Variants in SNX30 observed in about 807,000 individuals in gnomAD.
The protein encoded by SNX30 is sorting nexin family member 30, also known as sorting nexin-30.
SNX30 carries 24 observed loss-of-function variants against 46.4 expected under a neutral mutation model. That is an observed-to-expected ratio of 0.52 (90% CI 0.37 to 0.73). The LOEUF (loss-of-function observed/expected upper bound fraction) is 0.73. Among genes scored for constraint, SNX30 ranks in the 30% least tolerant of loss-of-function variants. The pLI, the probability that SNX30 is intolerant of heterozygous loss-of-function variation, is 0.00. For synonymous variants in SNX30, 189 were observed against 211.5 expected, an observed-to-expected ratio of 0.89 and a Z score of 0.92; for missense variants, 533 against 555.7, an observed-to-expected ratio of 0.96 and a Z score of 0.41.
chr9:112,822,856 C>G (rs62576414), intron 3 of SNX30, among the ~76,000 whole-genome samples: 10,225 of 152,242 alleles, frequency 0.067, 445 homozygotes, highest in Non-Finnish European at 0.099. Flanking sequence ...CATTGCCCAC[C>G]TGTGAGTCCT....
Position 112,872,418 on chromosome 9 carries a change from G to A in SNX30, c.*3575G>A, listed in dbSNP as rs1478423072. ...TTTGACACCATTCATTGGACTGCGGGACAGTCATTCTTTACGTTCTCTCTT... is the reference window on the plus strand; with the variant it reads ...TTTGACACCATTCATTGGACTGCGGAACAGTCATTCTTTACGTTCTCTCTT... On this transcript the variant is annotated 3_prime_UTR_variant, in exon 9 of 9. Coordinates refer to ENST00000374232, the MANE Select transcript of SNX30 (RefSeq NM_001012994.2). 2 of 152,236 alleles carry A rather than the reference G, an allele frequency of 1.3e-5. No homozygotes were observed. Among genetic ancestry groups the A allele is most frequent in the East Asian group, 1.9e-4 (1 of 5,190 alleles). The allele number at this position is 152,236 out of a possible 1,614,324, so 9.4% of individuals were successfully genotyped here. A position where few individuals can be genotyped will look rare whatever the true frequency, so the allele number is the denominator to read the frequency against.
At chr9:112,864,913 A>G (rs1314570030) in intron 8 of SNX30, among the ~76,000 whole-genome samples, 3 of 152,074 alleles carry the variant, frequency 2.0e-5, no homozygotes. Context: ...TAGGATTACA[A>G]AGGAAAGCAA....
intron 1 of SNX30, among the ~76,000 whole-genome samples, chr9:112,776,454 C>T (rs1839749490): frequency 6.6e-6 from 1 of 152,206 alleles, no homozygotes; most frequent in African/African-American, 2.4e-5. Flanking sequence ...AGATGATGAT[C>T]TTGGCCAAGG....
chr9:112,844,573 A>G (rs1019478933), intron 6 of SNX30, among the ~76,000 whole-genome samples: 1 of 152,228 alleles, frequency 6.6e-6, no homozygotes, highest in Non-Finnish European at 1.5e-5. Flanking sequence ...GGAGCCCACA[A>G]AGGAAGGGTT....
intron 1 of SNX30, among the ~76,000 whole-genome samples, chr9:112,792,647 A>G (rs1337125530): frequency 1.3e-5 from 2 of 152,060 alleles, no homozygotes; most frequent in Non-Finnish European, 2.9e-5. Flanking sequence ...GCTGGTCTTG[A>G]GCTCCTGGGC....
intron 1 of SNX30, among the ~76,000 whole-genome samples, chr9:112,792,474 G>A (rs1479638455): frequency 6.6e-5 from 10 of 152,110 alleles, no homozygotes; most frequent in Admixed American, 1.3e-4. Context: ...GCCCAGCCTG[G>A]AGTACAATGG....
intron 7 of SNX30, among the ~76,000 whole-genome samples, chr9:112,863,651 T>G (rs939679240): frequency 8.5e-5 from 13 of 152,342 alleles, no homozygotes; most frequent in African/African-American, 3.1e-4. Context: ...ACTCTCCATT[T>G]AAAAGTATCT....
At chr9:112,796,200 G>A (rs186504052) in intron 1 of SNX30, among the ~76,000 whole-genome samples, 1 of 152,330 alleles carries the variant, frequency 6.6e-6, no homozygotes, top group East Asian at 1.9e-4. Context: ...TTAAGATTGT[G>A]AATTCTTTTT....
At chr9:112,828,954 G>C (rs545343460) in intron 3 of SNX30, among the ~76,000 whole-genome samples, 61 of 152,172 alleles carry the variant, frequency 4.0e-4, no homozygotes, top group African/African-American at 1.4e-3. Flanking sequence ...ACCATCTACT[G>C]TCTGTCTCTG....
Position 112,836,352 on chromosome 9 carries a change from G to A in SNX30, c.757G>A (p.Ala253Thr). The part of the protein sequence containing the change: ...AAIGDYLDTF[A>T]LKLGTIDRIA... ...CATAGGTGACTACTTAGATACATTTGCACTCAAACTGGGAACCATTGATCG... is the reference window on the plus strand; with the variant it reads ...CATAGGTGACTACTTAGATACATTTACACTCAAACTGGGAACCATTGATCG... Residue 253 changes from alanine (A) to threonine (T), a missense_variant, in exon 5 of 9, where the codon GCA (alanine) becomes ACA (threonine). Ala to Thr is a moderately conservative substitution (Grantham distance 58). This residue lies in a region of SNX30 where 261 missense variants were observed against 270.9 expected (regional missense o/e 0.96). Transcript: ENST00000374232. The A allele has an allele frequency of 1.2e-6, 2 of 1,610,150 alleles. No individual in the cohort carries two copies. The highest frequency in any genetic ancestry group is 1.7e-6 in the Non-Finnish European group (2 of 1,176,606).
intron 6 of SNX30, among the ~76,000 whole-genome samples, chr9:112,845,347 CA>C (rs1840923640): frequency 3.3e-5 from 5 of 152,236 alleles, no homozygotes; most frequent in Admixed American, 3.3e-4. Context: ...ACCTGGTTTA[CA>C]CCGCGGAACC....
chr9:112,847,096 G>A (rs4978507), intron 6 of SNX30, among the ~76,000 whole-genome samples: 143,518 of 152,342 alleles, frequency 0.94, 67,708 homozygotes, highest in East Asian at 1. Flanking sequence ...TTAGTATTTC[G>A]TGGATGACAT....
intron 2 of SNX30, among the ~76,000 whole-genome samples, chr9:112,813,027 G>A (rs1342066340): frequency 6.6e-6 from 1 of 152,072 alleles, no homozygotes; most frequent in Non-Finnish European, 1.5e-5. Flanking sequence ...CACGCCTGTA[G>A]TCCCAGCTAC....
At chr9:112,797,353 G>C (rs1416982177) in intron 1 of SNX30, among the ~76,000 whole-genome samples, 1 of 152,142 alleles carries the variant, frequency 6.6e-6, no homozygotes, top group Non-Finnish European at 1.5e-5. Flanking sequence ...AAAATTTTAA[G>C]CATATAGAAA....
In SNX30 at chr9:112,751,088, C is replaced by A. The variant is rs751156158; in HGVS notation, c.87C>A (p.Ser29Arg). 6 of 1,513,690 alleles carry A rather than the reference C, an allele frequency of 4.0e-6. No homozygotes were observed. The highest frequency in any genetic ancestry group is 5.3e-6 in the Non-Finnish European group (6 of 1,138,572). The allele number at this position is 1,513,690 out of a possible 1,614,324, so 93.8% of individuals were successfully genotyped here. A position where few individuals can be genotyped will look rare whatever the true frequency, so the allele number is the denominator to read the frequency against. ...CGCACCCGCTGGCCGGCTCCAGCAG[C>A]GAGGAGGCCGTGGGTGGTGACAGCA... is the stretch of plus-strand genomic sequence containing the variant. ...DMPHPLAGSSSEEAVGGDSTP... is the reference protein window; with the variant it reads ...DMPHPLAGSSREEAVGGDSTP... Residue 29 changes from serine to arginine, a missense_variant, in exon 1 of 9, where the codon AGC becomes AGA. By Grantham distance (110) the Ser-to-Arg change is moderately radical. Coordinates refer to ENST00000374232, the MANE Select transcript of SNX30 (RefSeq NM_001012994.2).
intron 5 of SNX30, chr9:112,880,494 C>CT (rs1841563463): frequency 6.5e-6 from 1 of 154,268 alleles, no homozygotes; most frequent in Non-Finnish European, 1.5e-5. Context: ...CTTCATCTCC[C>CT]TGTCCCATGA....
At chr9:112,776,346 A>C (rs960160538) in intron 1 of SNX30, among the ~76,000 whole-genome samples, 1 of 152,032 alleles carries the variant, frequency 6.6e-6, no homozygotes, top group Non-Finnish European at 1.5e-5. Flanking sequence ...ATTTCATTCT[A>C]TCCTGGTGTT....
At chr9:112,789,285 GA>G (rs1839982150) in intron 1 of SNX30, among the ~76,000 whole-genome samples, 1 of 152,164 alleles carries the variant, frequency 6.6e-6, no homozygotes, top group African/African-American at 2.4e-5. Context: ...CAGGCTCTCG[GA>G]AATGCCTCTC....
At chr9:112,805,084 C>T in intron 2 of SNX30, 117 bp downstream of exon 2, 2 of 607,444 alleles carry the variant, frequency 3.3e-6, no homozygotes, top group Admixed American at 6.0e-5. Context: ...ACCTTGATTG[C>T]AATTGTGAGT....
Sources: gnomAD v4.1 joint callset for allele counts (sites outside exome capture counted in the v4.1 genomes callset) on GRCh38, gnomAD v4.1.1 for gene constraint, gnomAD v4.1.1 regional missense constraint, MANE v1.5 for transcripts, NCBI Gene and HGNC (gene_info 2026-07-23, HGNC 2026-07-21) for gene names.